RAB3GAP1: variants seen among roughly 807,000 people sequenced by gnomAD.
The protein encoded by RAB3GAP1 is rab3 GTPase-activating protein catalytic subunit.
In RAB3GAP1, 86 loss-of-function variants were observed where a neutral mutation model predicts 130.7. The observed-to-expected ratio is 0.66, with a 90% CI of 0.55 to 0.79. The LOEUF is 0.79. Ranked by LOEUF, RAB3GAP1 falls within the 30% of genes least tolerant of loss-of-function variation. The probability of loss-of-function intolerance (pLI) is 0.00; values close to 1 mark genes in which losing one functional copy is unlikely to be tolerated. For missense variants in RAB3GAP1, 1,029 were observed against 1,169.4 expected, an observed-to-expected ratio of 0.88 and a Z score of 1.75; for synonymous variants, 367 against 401.7, an observed-to-expected ratio of 0.91 and a Z score of 1.03.
rs905215333 is a variant in RAB3GAP1 at position 135,169,855 on chromosome 2, T to C, written c.*1074T>C. On this transcript the variant is annotated 3_prime_UTR_variant, in exon 24 of 24. Transcript: ENST00000264158. ...GCTAGATGGCCTCTGCTTGGTAATC[T>C]TATTTTTAGGCCTAAAATTCCCACT... 11 of 411,144 alleles carry C rather than the reference T, an allele frequency of 2.7e-5. No individual in the cohort carries two copies. Among genetic ancestry groups the C allele is most frequent in the Non-Finnish European group, 5.4e-5 (11 of 202,948 alleles). 25.5% of individuals were successfully genotyped at this position (411,144 alleles called of 1,614,324 possible). A position where few individuals can be genotyped will look rare whatever the true frequency, so the allele number is the denominator to read the frequency against.
intron 7 of RAB3GAP1, among the ~76,000 whole-genome samples, chr2:135,118,827 C>T (rs1339240077): frequency 6.6e-6 from 1 of 152,022 alleles, no homozygotes; most frequent in Non-Finnish European, 1.5e-5. Context: ...TTTCCCCTCA[C>T]ACAATAACCT....
chr2:135,052,548 C>T, intron 2 of RAB3GAP1, 63 bp downstream of exon 2: 2 of 1,585,228 alleles, frequency 1.3e-6, no homozygotes, highest in Non-Finnish European at 1.7e-6. Flanking sequence ...AGCCGCTTCC[C>T]TGACCCCAGA....
chr2:135,081,199 C>T (rs1316700728), intron 3 of RAB3GAP1, among the ~76,000 whole-genome samples: 25 of 145,982 alleles, frequency 1.7e-4, no homozygotes, highest in African/African-American at 5.6e-4. Context: ...CCCAGCTACT[C>T]GGGAGGCTGA....
At chr2:135,163,720 A>G (rs940165181) in intron 22 of RAB3GAP1, among the ~76,000 whole-genome samples, 1 of 152,210 alleles carries the variant, frequency 6.6e-6, no homozygotes. Context: ...TATTGTTTTA[A>G]TGTGTGATAA....
intron 5 of RAB3GAP1, among the ~76,000 whole-genome samples, chr2:135,106,868 C>T (rs1464992030): frequency 2.1e-5 from 3 of 143,876 alleles, no homozygotes; most frequent in Non-Finnish European, 4.6e-5. Context: ...TGATTAAAAA[C>T]ACTCAGAACT....
At chr2:135,172,820 C>T (rs1398733253), downstream of RAB3GAP1, among the ~76,000 whole-genome samples, 2 of 152,164 alleles carry the variant, frequency 1.3e-5, no homozygotes, top group Admixed American at 6.5e-5. Context: ...CTCCAACTCA[C>T]ACACCCTGTG....
chr2:135,068,033 C>T (rs964166803), intron 3 of RAB3GAP1, among the ~76,000 whole-genome samples: 1 of 152,172 alleles, frequency 6.6e-6, no homozygotes, highest in Admixed American at 6.6e-5. Flanking sequence ...ATCCACTGAG[C>T]CTGGCCTCTC....
At chr2:135,088,868 A>C (rs1690061282) in intron 3 of RAB3GAP1, among the ~76,000 whole-genome samples, 1 of 151,854 alleles carries the variant, frequency 6.6e-6, no homozygotes, top group South Asian at 2.1e-4. Flanking sequence ...TTGCCTGTTC[A>C]CTCTGATAAT....
At chr2:135,097,157 C>CA (rs921950602) in intron 5 of RAB3GAP1, among the ~76,000 whole-genome samples, 129 of 145,684 alleles carry the variant, frequency 8.9e-4, no homozygotes, top group African/African-American at 3.0e-3. Flanking sequence ...CCTCTGCTGC[C>CA]AAAAAAAAAG....
intron 17 of RAB3GAP1, chr2:135,136,895 T>G (rs1344183294): frequency 3.9e-6 from 1 of 256,898 alleles, no homozygotes; most frequent in Non-Finnish European, 7.5e-6. Flanking sequence ...GACCAGCCTG[T>G]ATAAGAAAGT....
chr2:135,078,572 A>G (rs971034561), intron 3 of RAB3GAP1, among the ~76,000 whole-genome samples: 3 of 148,876 alleles, frequency 2.0e-5, no homozygotes, highest in African/African-American at 7.5e-5. Flanking sequence ...TTTAATTACT[A>G]TAAATTTGTT....
chr2:135,108,640 TC>T (rs1690700802), intron 5 of RAB3GAP1, among the ~76,000 whole-genome samples: 2 of 152,142 alleles, frequency 1.3e-5, no homozygotes, highest in African/African-American at 4.8e-5. Flanking sequence ...ACTATGGTTT[TC>T]TCTTTCATTC....
intron 14 of RAB3GAP1, among the ~76,000 whole-genome samples, chr2:135,133,258 A>AT (rs1233328277): frequency 6.6e-6 from 1 of 152,140 alleles, no homozygotes; most frequent in African/African-American, 2.4e-5. Flanking sequence ...AAATCATTAA[A>AT]TTTGTGTTTC....
intron 5 of RAB3GAP1, among the ~76,000 whole-genome samples, chr2:135,106,763 A>AT (rs1190412544): frequency 9.0e-5 from 13 of 144,010 alleles, no homozygotes; most frequent in Admixed American, 2.8e-4. Flanking sequence ...TACTAAAAAA[A>AT]AAAATAAAAA....
intron 7 of RAB3GAP1, 30 bp downstream of exon 7, chr2:135,115,411 T>G (rs779773130): frequency 6.3e-7 from 1 of 1,581,446 alleles, no homozygotes; most frequent in African/African-American, 1.3e-5. Context: ...GTCAGTCTTA[T>G]CTGAGATCCA....
intron 3 of RAB3GAP1, among the ~76,000 whole-genome samples, chr2:135,067,096 TATAACA>T (rs1364268627): frequency 6.6e-6 from 1 of 152,220 alleles, no homozygotes; most frequent in Non-Finnish European, 1.5e-5. Context: ...CAAACTAAGT[TATAACA>T]ATAAGTCAAA....
intron 7 of RAB3GAP1, among the ~76,000 whole-genome samples, chr2:135,117,738 G>T (rs201330097): frequency 0.014 from 716 of 51,300 alleles, 1 homozygote; most frequent in African/African-American, 0.033. Context: ...TTCTTCTTCT[G>T]CTTCTTCTTC....
chr2:135,143,776 C>T (rs1383372446), intron 17 of RAB3GAP1, among the ~76,000 whole-genome samples: 1 of 152,064 alleles, frequency 6.6e-6, no homozygotes, highest in Non-Finnish European at 1.5e-5. Flanking sequence ...CCAGGATGGT[C>T]TCGATCTCCT....
intron 14 of RAB3GAP1, 69 bp downstream of exon 14, chr2:135,133,053 T>C: frequency 1.1e-6 from 1 of 938,764 alleles, no homozygotes; most frequent in African/African-American, 1.6e-5. Context: ...TCTATATATT[T>C]CTAGTTTAAT....
Sources: allele counts gnomAD v4.1 joint callset (sites outside exome capture counted in the v4.1 genomes callset), GRCh38; gene constraint gnomAD v4.1.1; transcripts MANE v1.5; gene names NCBI Gene and HGNC (gene_info 2026-07-23, HGNC 2026-07-21).